The following PCDHA7 variants were observed in gnomAD, a reference collection of about 807,000 sequenced individuals.
PCDHA7 encodes protocadherin alpha 7.
In PCDHA7, 37 loss-of-function variants were observed where a neutral mutation model predicts 57.2. The observed-to-expected ratio is 0.65, with a 90% CI of 0.50 to 0.85. The LOEUF is 0.85. PCDHA7 is among the 40% of genes least tolerant of loss of function. The pLI is 0.00. For synonymous variants in PCDHA7, 553 were observed against 558.8 expected (o/e 0.99, Z 0.15); for missense variants, 1,188 against 1,241.8 (o/e 0.96, Z 0.65).
intron 1 of PCDHA7, among the ~76,000 whole-genome samples, chr5:140,918,605 G>T (rs2078775246): frequency 6.6e-6 from 1 of 152,198 alleles, no homozygotes; most frequent in Non-Finnish European, 1.5e-5. Flanking sequence ...ATGTTGCTAT[G>T]ATATGAATGT....
chr5:140,901,695 T>G (rs1554189992), intron 1 of PCDHA7, among the ~76,000 whole-genome samples: 1 of 152,216 alleles, frequency 6.6e-6, no homozygotes, highest in Non-Finnish European at 1.5e-5. Context: ...TATTTTGTAG[T>G]TCTATATACA....
rs140322145 is a variant in PCDHA7, at chr5:140,968,725, T to C, written c.2356-10224T>C. ...CCAGGAAGATGGGAGATGAGAGTGG[T>C]AGCACTTTCAACCTGACCGTGGTGG... On this transcript the variant is annotated intron_variant, in intron 1 of 3. Coordinates refer to ENST00000525929, the MANE Select transcript of PCDHA7 (RefSeq NM_018910.3). 3.1e-6 allele frequency: 5 copies of C among 1,613,932 alleles called. No individual in the cohort carries two copies. In the African/African-American group the frequency reaches 6.7e-5, roughly 22 times the overall value.
intron 1 of PCDHA7, among the ~76,000 whole-genome samples, chr5:140,894,883 A>ACC (rs1407725642): frequency 6.6e-6 from 1 of 152,200 alleles, no homozygotes; most frequent in African/African-American, 2.4e-5. Flanking sequence ...TTTAGAAGAA[A>ACC]CAGACCAGGA....
chr5:140,949,679 T>A (rs246046), intron 1 of PCDHA7, among the ~76,000 whole-genome samples: 85,531 of 151,538 alleles, frequency 0.56, 24,739 homozygotes, highest in African/African-American at 0.69. Context: ...ATGCCCTTGT[T>A]GAAGCGTATT....
At chr5:140,858,889 A>G (rs1265560651) in intron 1 of PCDHA7, 1 of 236,296 alleles carries the variant, frequency 4.2e-6, no homozygotes. Context: ...CATGTGTAGA[A>G]TATGTGTAGC....
At chr5:140,969,131 A>C in intron 1 of PCDHA7, 1 of 1,614,138 alleles carries the variant, frequency 6.2e-7, no homozygotes, top group African/African-American at 1.3e-5. Flanking sequence ...CTCCCTCACC[A>C]AGACCTACTG....
rs1773975700 is a variant in PCDHA7 at position 140,835,840 on chromosome 5, A to G, written c.1457A>G (p.Lys486Arg). 1 of 1,612,274 alleles carries G rather than the reference A, an allele frequency of 6.2e-7. No homozygotes were observed. The highest frequency in any genetic ancestry group is 8.5e-7 in the Non-Finnish European group (1 of 1,179,666). Residue 486 changes from lysine to arginine, a missense_variant, in exon 1 of 4, where the codon AAG becomes AGG. Transcript: ENST00000525929. The part of the protein sequence containing the change: ...TVSAGDADAQ[K>R]NALVSYSLVE... ...TCGGCGGGGGACGCGGACGCGCAGA[A>G]GAACGCGCTGGTGTCCTACTCGCTG...
chr5:140,923,200 G>C (rs2081224774), intron 1 of PCDHA7, among the ~76,000 whole-genome samples: 1 of 152,166 alleles, frequency 6.6e-6, no homozygotes, highest in Admixed American at 6.5e-5. Flanking sequence ...AGCAATTTGG[G>C]AGGCTAAGGT....
chr5:141,005,034 T>C (rs1435712039), intron 3 of PCDHA7, among the ~76,000 whole-genome samples: 1 of 152,222 alleles, frequency 6.6e-6, no homozygotes, highest in Non-Finnish European at 1.5e-5. Flanking sequence ...ATTGCCCATA[T>C]GTGATACCAT....
intron 1 of PCDHA7, among the ~76,000 whole-genome samples, chr5:140,881,723 A>G (rs2058808704): frequency 6.6e-6 from 1 of 152,172 alleles, no homozygotes; most frequent in South Asian, 2.1e-4. Flanking sequence ...GGAGGTCTTG[A>G]AAAATATTAC....
At chr5:140,871,316 TGGTGTGCTCCCGCGC>T in intron 1 of PCDHA7, 1 of 1,614,034 alleles carries the variant, frequency 6.2e-7, no homozygotes, top group Non-Finnish European at 8.5e-7. Context: ...AAGCCCACGC[TGGTGTGCTCCCGCGC>T]GGTGGGGAGC....
chr5:140,925,409 G>T (rs2082484194), intron 1 of PCDHA7, among the ~76,000 whole-genome samples: 1 of 152,078 alleles, frequency 6.6e-6, no homozygotes, highest in Admixed American at 6.5e-5. Flanking sequence ...CCTTCTTAGG[G>T]AAAGGAACTG....
At chr5:140,894,793 T>C (rs1269028222) in intron 1 of PCDHA7, among the ~76,000 whole-genome samples, 2 of 152,170 alleles carry the variant, frequency 1.3e-5, no homozygotes, top group Non-Finnish European at 2.9e-5. Flanking sequence ...TGTCCTCTCC[T>C]TTAAAAATAA....
intron 1 of PCDHA7, chr5:140,884,253 C>T (rs1356283866): frequency 6.2e-7 from 1 of 1,613,418 alleles, no homozygotes; most frequent in East Asian, 2.2e-5. Context: ...CTGACGGCCA[C>T]GGCAACGGTG....
intron 3 of PCDHA7, among the ~76,000 whole-genome samples, chr5:140,994,222 CTA>C (rs1219184690): frequency 6.6e-6 from 1 of 152,168 alleles, no homozygotes; most frequent in Non-Finnish European, 1.5e-5. Context: ...CAGGGTCTGT[CTA>C]TGTTATAATC....
In PCDHA7 at chr5:140,857,236, G is replaced by C; in HGVS notation, c.2355+20498G>C. On this transcript the variant is annotated intron_variant, in intron 1 of 3. Transcript: ENST00000525929. ...TGACGCCTCACGTTCCGTTCAAGCTGGTGTCCACCTACAAGAATTACTACT... is the reference window on the plus strand; with the variant it reads ...TGACGCCTCACGTTCCGTTCAAGCTCGTGTCCACCTACAAGAATTACTACT... 6.9e-6 allele frequency: 11 copies of C among 1,598,556 alleles called. 1 individual carries two copies. Among genetic ancestry groups the C allele is most frequent in the Non-Finnish European group, 8.6e-6 (10 of 1,167,952 alleles).
chr5:140,927,624 G>A (rs1554204821), intron 1 of PCDHA7: 3 of 1,614,212 alleles, frequency 1.9e-6, no homozygotes, highest in Non-Finnish European at 2.5e-6. Context: ...AGGTTCCAGA[G>A]ACTGCACCCA....
At chr5:140,887,524 G>A (rs2061480235) in intron 1 of PCDHA7, among the ~76,000 whole-genome samples, 2 of 152,090 alleles carry the variant, frequency 1.3e-5, no homozygotes, top group African/African-American at 4.8e-5. Flanking sequence ...TTATATATGA[G>A]TCTTCCTCTC....
chr5:140,844,193 C>G (rs2150369320), intron 1 of PCDHA7, among the ~76,000 whole-genome samples: 1 of 149,542 alleles, frequency 6.7e-6, no homozygotes, highest in East Asian at 1.9e-4. Flanking sequence ...TCTTATCTGA[C>G]TTTTTAGTGT....
Sources: allele counts gnomAD v4.1 joint callset (sites outside exome capture counted in the v4.1 genomes callset), GRCh38; gene constraint gnomAD v4.1.1; transcripts MANE v1.5; gene names NCBI Gene and HGNC (gene_info 2026-07-23, HGNC 2026-07-21).